Variants in SPECC1 observed in about 807,000 individuals in gnomAD.
SPECC1 encodes sperm antigen with calponin homology and coiled-coil domains 1, also known as cytospin-B.
Under a neutral mutation model 104.1 loss-of-function variants are expected in SPECC1, and 62 were observed. The ratio of observed to expected loss-of-function variants is 0.60; its 90% confidence interval spans 0.49 to 0.74. The LOEUF (loss-of-function observed/expected upper bound fraction) is 0.74, where lower values mean the gene tolerates loss of function less well. Ranked by LOEUF, SPECC1 falls within the 30% of genes least tolerant of loss-of-function variation. SPECC1 has a pLI of 0.00. For missense variants in SPECC1, 1,306 were observed against 1,310.5 expected (o/e 1.00, Z 0.05); for synonymous variants, 513 against 501.6 (o/e 1.02, Z -0.30).
intron 3 of SPECC1, among the ~76,000 whole-genome samples, chr17:20,193,207 G>A (rs2035787735): frequency 6.6e-6 from 1 of 152,190 alleles, no homozygotes; most frequent in Non-Finnish European, 1.5e-5. Flanking sequence ...TCACTCTTGT[G>A]GCCATCTTGG....
chr17:20,234,520 C>T (rs1478119397), intron 7 of SPECC1, among the ~76,000 whole-genome samples: 2 of 152,208 alleles, frequency 1.3e-5, no homozygotes. Context: ...CCTCAAAGCT[C>T]CGGAAGCCAC....
chr17:20,314,659 A>G lies in SPECC1; in HGVS notation c.*594A>G, dbSNP rs983390403. ...TGTCTCAAAAAAATGATAAAACCCA[A>G]AACTTTGCCCTTGTGAACCCTCCCT... On this transcript the variant is annotated 3_prime_UTR_variant, in exon 15 of 15. Coordinates refer to ENST00000395527, the MANE Select transcript of SPECC1 (RefSeq NM_001243439.2). 7.0e-5 allele frequency: 16 copies of G among 229,226 alleles called. No homozygotes were observed. Among genetic ancestry groups the G allele is most frequent in the Admixed American group, 1.7e-4 (3 of 17,612 alleles). 14.2% of individuals were successfully genotyped at this position (229,226 alleles called of 1,614,324 possible).
At chr17:20,203,778 A>G (rs911525024) in intron 3 of SPECC1, among the ~76,000 whole-genome samples, 1 of 152,250 alleles carries the variant, frequency 6.6e-6, no homozygotes. Flanking sequence ...TGCAAGTTAC[A>G]GAAAACCCAG....
chr17:20,146,449 C>G (rs910690896), intron 3 of SPECC1, among the ~76,000 whole-genome samples: 1 of 152,128 alleles, frequency 6.6e-6, no homozygotes, highest in African/African-American at 2.4e-5. Flanking sequence ...TATCATTCAA[C>G]TATTGAAGGA....
At chr17:20,093,079 A>G (rs543507254) in intron 1 of SPECC1, among the ~76,000 whole-genome samples, 149 of 152,358 alleles carry the variant, frequency 9.8e-4, no homozygotes, top group Middle Eastern at 3.4e-3. Context: ...TGTGAAATGG[A>G]TATGTCTTAG....
At chr17:20,107,164 A>AAAAAAG in intron 2 of SPECC1, among the ~76,000 whole-genome samples, 5 of 149,118 alleles carry the variant, frequency 3.4e-5, no homozygotes, top group African/African-American at 4.9e-5. Flanking sequence ...AAAAAAAAAA[A>AAAAAAG]AAAAAGAAAA....
chr17:20,068,010 T>G (rs930321685), intron 1 of SPECC1, among the ~76,000 whole-genome samples: 4 of 152,116 alleles, frequency 2.6e-5, no homozygotes, highest in Admixed American at 2.0e-4. Flanking sequence ...AGACAGGTTC[T>G]TGCTCTGTCA....
intron 3 of SPECC1, among the ~76,000 whole-genome samples, chr17:20,115,006 T>C (rs2048686945): frequency 1.3e-5 from 2 of 152,222 alleles, no homozygotes; most frequent in Non-Finnish European, 2.9e-5. Flanking sequence ...TGTTATTCAC[T>C]CACTTAAAGG....
intron 9 of SPECC1, among the ~76,000 whole-genome samples, chr17:20,249,925 G>A (rs1268945828): frequency 6.6e-6 from 1 of 152,104 alleles, no homozygotes; most frequent in Non-Finnish European, 1.5e-5. Flanking sequence ...ACTGATAAAA[G>A]ATGTCAAGCC....
intron 13 of SPECC1, among the ~76,000 whole-genome samples, chr17:20,301,156 G>GT (rs1258082697): frequency 2.6e-5 from 4 of 152,102 alleles, no homozygotes; most frequent in African/African-American, 9.7e-5. Flanking sequence ...TCACAGTTAC[G>GT]GGTGTGGGTT....
chr17:20,056,053 A>G (rs1425700591), intron 1 of SPECC1, among the ~76,000 whole-genome samples: 1 of 152,198 alleles, frequency 6.6e-6, no homozygotes, highest in African/African-American at 2.4e-5. Context: ...ATAAATTCCA[A>G]GTCTTAGTTT....
chr17:20,112,993 A>ATTTTACACTTTT, intron 3 of SPECC1: 2 of 991,522 alleles, frequency 2.0e-6, no homozygotes, highest in East Asian at 4.7e-5. Context: ...TTAGATGAGA[A>ATTTTACACTTTT]TTTTAGGGGC....
At chr17:20,214,760 A>T (rs1265323245) in intron 4 of SPECC1, among the ~76,000 whole-genome samples, 1 of 152,170 alleles carries the variant, frequency 6.6e-6, no homozygotes, top group African/African-American at 2.4e-5. Flanking sequence ...CACCCACCTC[A>T]ACCTCCCAAA....
intron 7 of SPECC1, chr17:20,237,738 C>T (rs2039001019): frequency 1.0e-5 from 2 of 192,922 alleles, no homozygotes; most frequent in Non-Finnish European, 1.1e-5. Context: ...TGTCACATTC[C>T]GAAGAAGTCA....
chr17:20,158,486 G>A (rs1239471834), intron 3 of SPECC1, among the ~76,000 whole-genome samples: 1 of 152,202 alleles, frequency 6.6e-6, no homozygotes, highest in East Asian at 1.9e-4. Flanking sequence ...GCAGGTTTGG[G>A]CAGGGAGAGC....
rs756891889 is a variant in SPECC1, at chr17:20,314,954, A to G, written c.*889A>G. On this transcript the variant is annotated 3_prime_UTR_variant, in exon 15 of 15. Transcript: ENST00000395527. ...AGGTGCCCCACACCTCTGCCACCAA[A>G]GTCTGTGTGCTCCTGAGCAGCTCGC... 9 of 232,236 alleles carry G rather than the reference A, an allele frequency of 3.9e-5. No individual in the cohort carries two copies. The highest frequency in any genetic ancestry group is 6.8e-5 in the Non-Finnish European group (8 of 117,374). The allele number at this position is 232,236 out of a possible 1,614,324, so 14.4% of individuals were successfully genotyped here.
chr17:20,021,675 A>AC, intron 1 of SPECC1, among the ~76,000 whole-genome samples: 1 of 139,976 alleles, frequency 7.1e-6, no homozygotes, highest in East Asian at 2.1e-4. Flanking sequence ...ATATATATAT[A>AC]ATATAATAAT....
intron 4 of SPECC1, among the ~76,000 whole-genome samples, chr17:20,222,163 G>T (rs1308723828): frequency 6.6e-6 from 1 of 151,966 alleles, no homozygotes; most frequent in Non-Finnish European, 1.5e-5. Context: ...GAGAAACCCT[G>T]TCTCTACTAA....
chr17:20,184,788 G>C (rs532600366), intron 3 of SPECC1, among the ~76,000 whole-genome samples: 158 of 152,326 alleles, frequency 1.0e-3, no homozygotes, highest in African/African-American at 3.6e-3. Context: ...AGTAAGTCAA[G>C]GGTAGAGGAA....
Sources: gnomAD v4.1 joint callset for allele counts (sites outside exome capture counted in the v4.1 genomes callset) on GRCh38, gnomAD v4.1.1 for gene constraint, MANE v1.5 for transcripts, NCBI Gene and HGNC (gene_info 2026-07-23, HGNC 2026-07-21) for gene names.